CDH4: variants seen among roughly 807,000 people sequenced by gnomAD.
CDH4 encodes the protein cadherin 4, also known as cadherin-4.
CDH4 carries 33 observed loss-of-function variants against 86.0 expected under a neutral mutation model. The ratio of observed to expected loss-of-function variants is 0.38; its 90% CI spans 0.29 to 0.51. The LOEUF is 0.51. CDH4 is among the 20% of genes least tolerant of loss of function. CDH4 has a pLI of 0.86. For synonymous variants in CDH4, 555 were observed against 549.4 expected (o/e 1.01, Z -0.14); for missense variants, 1,114 against 1,307.4 (o/e 0.85, Z 2.28).
chr20:61,497,013 T>A (rs990668150), intron 2 of CDH4, among the ~76,000 whole-genome samples: 4 of 151,152 alleles, frequency 2.6e-5, no homozygotes, highest in Non-Finnish European at 4.4e-5. Flanking sequence ...TTGCCTTAAG[T>A]CTCTCTTATC....
At chr20:61,645,086 C>T (rs1432744528) in intron 2 of CDH4, among the ~76,000 whole-genome samples, 1 of 152,212 alleles carries the variant, frequency 6.6e-6, no homozygotes, top group Non-Finnish European at 1.5e-5. Flanking sequence ...ACCTTCAATA[C>T]TTCCTTGGAG....
At chr20:61,617,490 C>T (rs890468998) in intron 2 of CDH4, among the ~76,000 whole-genome samples, 11 of 152,204 alleles carry the variant, frequency 7.2e-5, no homozygotes, top group African/African-American at 2.2e-4. Flanking sequence ...CCCCCCATTC[C>T]CCGTTTTCAA....
chr20:61,845,312 C>T (rs6061860), intron 5 of CDH4, among the ~76,000 whole-genome samples: 13 of 152,356 alleles, frequency 8.5e-5, no homozygotes, highest in African/African-American at 2.9e-4. Flanking sequence ...ACGTCTCTCG[C>T]GGCAGAAAGA....
rs376483219 is a variant in CDH4, at chr20:61,328,453, G to A, written c.169+73516G>A. Among the ~76,000 whole-genome samples, 300 of 152,296 alleles carry A rather than the reference G, an allele frequency of 2.0e-3. 1 individual carries two copies. Among genetic ancestry groups the A allele is most frequent in the African/African-American group, 6.3e-3 (262 of 41,572 alleles). On this transcript the variant is annotated intron_variant, in intron 2 of 15. Coordinates refer to ENST00000614565, the MANE Select transcript of CDH4 (RefSeq NM_001794.5). Reference sequence around the variant, plus strand: ...ACCTCCCAAAGTGCTGGGATTACAGGCGTGAGCCACCGCGCCCGGCCCAAA... The same window carrying A: ...ACCTCCCAAAGTGCTGGGATTACAGACGTGAGCCACCGCGCCCGGCCCAAA...
intron 6 of CDH4, among the ~76,000 whole-genome samples, chr20:61,855,902 CG>C (rs1308629354): frequency 6.6e-6 from 1 of 152,168 alleles, no homozygotes; most frequent in Non-Finnish European, 1.5e-5. Context: ...CCTGGGGGAT[CG>C]GGAGTCTGTC....
chr20:61,635,389 C>G (rs1391733348), intron 2 of CDH4, among the ~76,000 whole-genome samples: 1 of 152,162 alleles, frequency 6.6e-6, no homozygotes, highest in Non-Finnish European at 1.5e-5. Flanking sequence ...CAGTCACCGC[C>G]CCTGGGAGAA....
rs1697967066 is a variant in CDH4 at position 61,810,603 on chromosome 20, C to G, written c.577-34065C>G. Among the ~76,000 whole-genome samples the G allele has an allele frequency of 2.0e-5, 3 of 152,188 alleles. No individual in the cohort carries two copies. Among genetic ancestry groups the G allele is most frequent in the African/African-American group, 7.2e-5 (3 of 41,456 alleles). On this transcript the variant is annotated intron_variant, in intron 4 of 15. Transcript: ENST00000614565. This position sits in a 1 kb window ranked among gnomAD's most constrained non-coding sequence, Gnocchi z 4.3. ...GCCTCACCCTGCCTCCTGCCTCCCGCCCTGCTCCCATCCACCACTACCAAC... is the reference window on the plus strand; with the variant it reads ...GCCTCACCCTGCCTCCTGCCTCCCGGCCTGCTCCCATCCACCACTACCAAC...
intron 3 of CDH4, among the ~76,000 whole-genome samples, chr20:61,766,238 G>A (rs946092290): frequency 6.6e-6 from 1 of 151,776 alleles, no homozygotes; most frequent in Non-Finnish European, 1.5e-5. Context: ...CCCTAGCCAG[G>A]CAATTTGGAC....
intron 7 of CDH4, among the ~76,000 whole-genome samples, chr20:61,882,586 G>A (rs1334761180): frequency 6.6e-6 from 1 of 152,180 alleles, no homozygotes; most frequent in African/African-American, 2.4e-5. Flanking sequence ...CTGGCCCGGG[G>A]GGTGCAGCCC....
chr20:61,541,775 T>C (rs538804022), intron 2 of CDH4, among the ~76,000 whole-genome samples: 4 of 152,336 alleles, frequency 2.6e-5, no homozygotes, highest in Admixed American at 6.5e-5. Flanking sequence ...CATGTTACTC[T>C]AGCTCATTTC....
rs2084173916 is a variant in CDH4 at position 61,269,671 on chromosome 20, A to C, written c.169+14734A>C. ...CACATCAGGCCCTGCTCCGCCAAGC[A>C]GACCCCAGTCCTGCCAGAGCTGCCC... On this transcript the variant is annotated intron_variant, in intron 2 of 15. Transcript: ENST00000614565. The surrounding 1 kb of genome is among the most constrained non-coding windows in gnomAD (Gnocchi z 5.3). Among the ~76,000 whole-genome samples, 1 of 152,206 alleles carries C rather than the reference A, an allele frequency of 6.6e-6. No homozygotes were observed. The highest frequency in any genetic ancestry group is 2.4e-5 in the African/African-American group (1 of 41,452).
intron 2 of CDH4, among the ~76,000 whole-genome samples, chr20:61,308,390 G>T (rs1005612595): frequency 6.6e-6 from 1 of 152,200 alleles, no homozygotes; most frequent in Admixed American, 6.5e-5. Context: ...AGTGGGATCC[G>T]ATGTCTTTTG....
intron 5 of CDH4, among the ~76,000 whole-genome samples, chr20:61,849,908 G>A (rs1311515189): frequency 6.6e-6 from 1 of 152,200 alleles, no homozygotes. Context: ...ACCAGCACCT[G>A]ACATCCTTGG....
chr20:61,933,119 G>A lies in CDH4; in HGVS notation c.2374G>A (p.Asp792Asn). ...KYDEEGGGEE[D>N]QDYDLSQLQQ... ...TGACGAGGAAGGCGGTGGCGAGGAG[G>A]ACCAGGTGAGACTGCGGCCCGCCCC... Residue 792 changes from aspartate (D) to asparagine (N), a missense_variant, in exon 14 of 16, where the codon GAC becomes AAC. This residue lies in a region of CDH4 where 188 missense variants were observed against 183.8 expected (regional missense o/e 1.02). Coordinates refer to ENST00000614565, the MANE Select transcript of CDH4 (RefSeq NM_001794.5). 6.2e-7 allele frequency: 1 copy of A among 1,612,170 alleles called. No homozygotes were observed. Among genetic ancestry groups the A allele is most frequent in the Non-Finnish European group, 8.5e-7 (1 of 1,179,368 alleles).
At chr20:61,329,646 T>G (rs541967370) in intron 2 of CDH4, among the ~76,000 whole-genome samples, 1 of 151,526 alleles carries the variant, frequency 6.6e-6, no homozygotes, top group African/African-American at 2.4e-5. Context: ...CTTAGCCACT[T>G]GGATTCCGCA....
Position 61,844,836 on chromosome 20 carries a change from A to C in CDH4, c.732+13A>C, listed in dbSNP as rs772577009. The C allele has an allele frequency of 3.1e-6, 5 of 1,604,398 alleles. No individual in the cohort carries two copies. The highest frequency in any genetic ancestry group is 1.1e-5 in the South Asian group (1 of 89,984). On this transcript the variant is annotated intron_variant, in intron 5 of 15. Coordinates refer to ENST00000614565, the MANE Select transcript of CDH4 (RefSeq NM_001794.5). ...CGCCTCTTACCACGTGAGTGTCCAC[A>C]CCCGGCTGAGAATGGGGCCCTGGGG...
At chr20:61,535,690 G>A (rs146349882) in intron 2 of CDH4, among the ~76,000 whole-genome samples, 4 of 152,264 alleles carry the variant, frequency 2.6e-5, no homozygotes, top group Admixed American at 2.0e-4. Flanking sequence ...TTCTGAGAGG[G>A]GGCCCGGGCT....
chr20:61,843,687 T>TAA (rs67518472), intron 4 of CDH4, among the ~76,000 whole-genome samples: 4 of 140,790 alleles, frequency 2.8e-5, no homozygotes, highest in East Asian at 2.1e-4. Flanking sequence ...GACCTGTCTC[T>TAA]AAAAAAAAAA....
At position 61,510,919 on chromosome 20, in the gene CDH4, A is replaced by G. The variant is rs1422023524; in HGVS notation, c.170-232644A>G. Reference sequence around the variant, plus strand: ...GGAAGGTGAGGGGGTGGGGACAGACATGTCACAAAATGAAAGCAGGAGTGA... The same window carrying G: ...GGAAGGTGAGGGGGTGGGGACAGACGTGTCACAAAATGAAAGCAGGAGTGA... On this transcript the variant is annotated intron_variant, in intron 2 of 15. Transcript: ENST00000614565. The surrounding 1 kb of genome is among the most constrained non-coding windows in gnomAD (Gnocchi z 4.2). Among the ~76,000 whole-genome samples the G allele has an allele frequency of 6.6e-6, 1 of 152,008 alleles. No individual in the cohort carries two copies. The highest frequency in any genetic ancestry group is 1.5e-5 in the Non-Finnish European group (1 of 68,002).
Sources: allele counts gnomAD v4.1 joint callset (sites outside exome capture counted in the v4.1 genomes callset), GRCh38; gene constraint gnomAD v4.1.1; regional missense constraint gnomAD v4.1.1; non-coding constraint Gnocchi (gnomAD v3.1); transcripts MANE v1.5; gene names NCBI Gene and HGNC (gene_info 2026-07-23, HGNC 2026-07-21).